ELMO1: variants seen among roughly 807,000 people sequenced by gnomAD.
ELMO1 encodes engulfment and cell motility 1, also known as engulfment and cell motility protein 1.
Under a neutral mutation model 98.9 loss-of-function variants are expected in ELMO1, and 26 were observed. The observed-to-expected ratio is 0.26, with a 90% CI of 0.19 to 0.36. The LOEUF is 0.36. ELMO1 is among the 10% of genes least tolerant of loss of function. The probability of loss-of-function intolerance (pLI) is 1.00; values close to 1 mark genes in which losing one functional copy is unlikely to be tolerated. For missense variants in ELMO1, 627 were observed against 935.2 expected (o/e 0.67, Z 4.30); for synonymous variants, 346 against 346.0 (o/e 1.00, Z 0.00).
chr7:37,228,716 T>C (rs186874950), intron 8 of ELMO1, among the ~76,000 whole-genome samples: 125 of 152,224 alleles, frequency 8.2e-4, no homozygotes, highest in African/African-American at 2.6e-3. Context: ...AAAAGAATCA[T>C]GGAGGGCCGG....
At chr7:37,038,734 TG>T (rs1194047510) in intron 15 of ELMO1, among the ~76,000 whole-genome samples, 1 of 152,216 alleles carries the variant, frequency 6.6e-6, no homozygotes, top group Non-Finnish European at 1.5e-5. Context: ...GGAATTTCTT[TG>T]TTTTTACAGT....
At chr7:37,082,954 A>G (rs1031530002) in intron 15 of ELMO1, among the ~76,000 whole-genome samples, 1 of 152,348 alleles carries the variant, frequency 6.6e-6, no homozygotes, top group Non-Finnish European at 1.5e-5. Flanking sequence ...AGAACAGGTG[A>G]CAACAAAGTT....
chr7:37,093,344 A>G (rs2129252347), intron 15 of ELMO1, among the ~76,000 whole-genome samples: 1 of 152,352 alleles, frequency 6.6e-6, no homozygotes, highest in African/African-American at 2.4e-5. Flanking sequence ...GCTTTCTAGA[A>G]AATTGGATCT....
chr7:36,955,566 T>C (rs748203845), intron 16 of ELMO1, among the ~76,000 whole-genome samples: 19 of 152,230 alleles, frequency 1.2e-4, no homozygotes, highest in Non-Finnish European at 5.9e-5. Flanking sequence ...CAAATAAATA[T>C]GAGTGTTCTC....
chr7:37,073,442 C>T (rs970599722), intron 15 of ELMO1, among the ~76,000 whole-genome samples: 5 of 152,146 alleles, frequency 3.3e-5, no homozygotes, highest in African/African-American at 1.2e-4. Flanking sequence ...ATCACTATGC[C>T]TACACTGTTA....
At chr7:36,957,959 G>A (rs896380120) in intron 16 of ELMO1, among the ~76,000 whole-genome samples, 24 of 152,230 alleles carry the variant, frequency 1.6e-4, no homozygotes, top group African/African-American at 5.3e-4. Flanking sequence ...TCTCTGCTGT[G>A]CTGCCCATTG....
chr7:37,284,060 A>G (rs925920878), intron 4 of ELMO1, among the ~76,000 whole-genome samples: 5 of 152,130 alleles, frequency 3.3e-5, no homozygotes, highest in African/African-American at 1.2e-4. Flanking sequence ...CTCTCGTGGG[A>G]CAGGTGCTGT....
At chr7:37,184,595 G>A (rs1351865807) in intron 13 of ELMO1, among the ~76,000 whole-genome samples, 1 of 152,128 alleles carries the variant, frequency 6.6e-6, no homozygotes, top group African/African-American at 2.4e-5. Context: ...AACTGCTTTG[G>A]CTGAAACCTT....
At chr7:37,192,833 T>A (rs1791685344) in intron 13 of ELMO1, among the ~76,000 whole-genome samples, 2 of 146,840 alleles carry the variant, frequency 1.4e-5, no homozygotes, top group Admixed American at 1.4e-4. Context: ...TGTGTATATA[T>A]GTATATATGA....
chr7:37,399,167 C>G (rs569566821), intron 1 of ELMO1, among the ~76,000 whole-genome samples: 3 of 152,324 alleles, frequency 2.0e-5, no homozygotes, highest in African/African-American at 7.2e-5. Flanking sequence ...GCTGTGATGT[C>G]ATAGCCTGCC....
At chr7:37,006,246 A>G (rs1793116661) in intron 16 of ELMO1, among the ~76,000 whole-genome samples, 1 of 152,248 alleles carries the variant, frequency 6.6e-6, no homozygotes, top group Non-Finnish European at 1.5e-5. Context: ...AAATCAAGGC[A>G]GCTCAATTAC....
At chr7:37,277,408 G>T (rs143061234) in intron 4 of ELMO1, among the ~76,000 whole-genome samples, 1,948 of 152,326 alleles carry the variant, frequency 0.013, 15 homozygotes, top group Non-Finnish European at 0.019. Context: ...TCAAAGCTCT[G>T]AGGCATGAAA....
chr7:37,055,843 G>A (rs1004942406), intron 15 of ELMO1, among the ~76,000 whole-genome samples: 1 of 152,198 alleles, frequency 6.6e-6, no homozygotes, highest in South Asian at 2.1e-4. Flanking sequence ...TCCAGGTACA[G>A]TGGGCAGCCA....
At chr7:36,898,684 G>T (rs969731780) in intron 16 of ELMO1, among the ~76,000 whole-genome samples, 1 of 152,154 alleles carries the variant, frequency 6.6e-6, no homozygotes, top group Admixed American at 6.5e-5. Flanking sequence ...GAGGCTCCAC[G>T]TGCTCCTTGT....
chr7:37,161,136 T>C (rs1365683957), intron 13 of ELMO1, among the ~76,000 whole-genome samples: 1 of 152,166 alleles, frequency 6.6e-6, no homozygotes, highest in Non-Finnish European at 1.5e-5. Flanking sequence ...ACTATGAGCT[T>C]TCAGTCTGGA....
chr7:37,039,966 A>C (rs540208451), intron 15 of ELMO1, among the ~76,000 whole-genome samples: 1 of 152,300 alleles, frequency 6.6e-6, no homozygotes, highest in African/African-American at 2.4e-5. Context: ...GTAATGTAAC[A>C]TTACATTGTA....
At chr7:36,891,130 G>C (rs1805512185) in intron 17 of ELMO1, among the ~76,000 whole-genome samples, 1 of 152,168 alleles carries the variant, frequency 6.6e-6, no homozygotes, top group African/African-American at 2.4e-5. Context: ...ATCTTGCTTT[G>C]TGTCTCCACT....
Position 37,213,323 on chromosome 7 carries a change from A to G in ELMO1, c.954+12T>C, listed in dbSNP as rs774704469. 7.9e-5 allele frequency: 128 copies of G among 1,612,020 alleles called. No homozygotes were observed. The highest frequency in any genetic ancestry group is 3.9e-4 in the African/African-American group (29 of 74,824). On this transcript the variant is annotated intron_variant, in intron 12 of 21. Coordinates refer to ENST00000310758, the MANE Select transcript of ELMO1 (RefSeq NM_014800.11). ...CTTCCTGTGCTTTGACTGCTGTCCA[A>G]TGAGCACTCACCTGGTCCTGGGGGT...
chr7:37,400,993 TGAAA>T (rs1803504919), intron 1 of ELMO1, among the ~76,000 whole-genome samples: 1 of 152,154 alleles, frequency 6.6e-6, no homozygotes, highest in African/African-American at 2.4e-5. Context: ...CTCTTAGAAT[TGAAA>T]GAGACATCCG....
Sources: gnomAD v4.1 joint callset for allele counts (sites outside exome capture counted in the v4.1 genomes callset) on GRCh38, gnomAD v4.1.1 for gene constraint, MANE v1.5 for transcripts, NCBI Gene and HGNC (gene_info 2026-07-23, HGNC 2026-07-21) for gene names.